FGF12: variants seen among roughly 807,000 people sequenced by gnomAD.
FGF12 encodes fibroblast growth factor 12.
Under a neutral mutation model 23.6 loss-of-function variants are expected in FGF12, and 14 were observed. The observed-to-expected ratio is 0.59, with a 90% CI of 0.39 to 0.93. The LOEUF (loss-of-function observed/expected upper bound fraction) is 0.93. FGF12 is among the 40% of genes least tolerant of loss of function. The pLI, the probability that FGF12 is intolerant of heterozygous loss-of-function variation, is 0.00. For missense variants in FGF12, 175 were observed against 217.8 expected (o/e 0.80, Z 1.24); for synonymous variants, 62 against 77.3 (o/e 0.80, Z 1.04).
At chr3:192,713,872 G>A (rs961571719) in intron 2 of FGF12, among the ~76,000 whole-genome samples, 6 of 152,172 alleles carry the variant, frequency 3.9e-5, no homozygotes, top group Non-Finnish European at 8.8e-5. Context: ...ATTCAAAAGT[G>A]AAATCTTTGT....
intron 2 of FGF12, among the ~76,000 whole-genome samples, chr3:192,551,232 G>A (rs1560147718): frequency 6.6e-6 from 1 of 152,214 alleles, no homozygotes; most frequent in Non-Finnish European, 1.5e-5. Flanking sequence ...GGGGCAGCAT[G>A]GGAGACAGAG....
chr3:192,687,444 GC>G (rs1456305918), intron 2 of FGF12, among the ~76,000 whole-genome samples: 1 of 152,134 alleles, frequency 6.6e-6, no homozygotes, highest in Non-Finnish European at 1.5e-5. Flanking sequence ...CTTTGACTCT[GC>G]CTGGTAGGTG....
intron 4 of FGF12, among the ~76,000 whole-genome samples, chr3:192,203,133 T>TTG (rs57503863): frequency 0.069 from 10,153 of 148,216 alleles, 404 homozygotes; most frequent in African/African-American, 0.12. Context: ...CATTAAATAT[T>TTG]TGTGTGTGTG....
At chr3:192,267,010 T>G (rs78112317) in intron 4 of FGF12, 2 of 152,204 alleles carry the variant, frequency 1.3e-5, no homozygotes, top group African/African-American at 4.8e-5. Flanking sequence ...AAGGAACTGA[T>G]GCCTTGAGGA....
chr3:192,289,453 G>A (rs1714638417), intron 4 of FGF12, among the ~76,000 whole-genome samples: 1 of 152,060 alleles, frequency 6.6e-6, no homozygotes, highest in African/African-American at 2.4e-5. Flanking sequence ...AAAACGAGAA[G>A]GAACACTCAC....
intron 2 of FGF12, among the ~76,000 whole-genome samples, chr3:192,663,395 A>G (rs1167363609): frequency 1.3e-5 from 2 of 152,190 alleles, no homozygotes; most frequent in African/African-American, 4.8e-5. Flanking sequence ...AGAGGGTAGC[A>G]CATAGTAGAA....
At chr3:192,203,053 A>G (rs912464576) in intron 4 of FGF12, among the ~76,000 whole-genome samples, 1 of 152,160 alleles carries the variant, frequency 6.6e-6, no homozygotes, top group African/African-American at 2.4e-5. Context: ...ACTTCAGTCT[A>G]TATATAATAT....
chr3:192,313,904 T>C (rs1480503501), intron 4 of FGF12, among the ~76,000 whole-genome samples: 2 of 152,218 alleles, frequency 1.3e-5, no homozygotes, highest in Non-Finnish European at 2.9e-5. Context: ...GATTCATATA[T>C]TGAAGCCTAA....
intron 2 of FGF12, 158 bp downstream of exon 2, chr3:192,727,023 C>T (rs536492896): frequency 3.4e-6 from 3 of 879,106 alleles, no homozygotes; most frequent in Non-Finnish European, 5.4e-6. Flanking sequence ...AAGTCGCCTT[C>T]CTGCCACACT....
rs1724869004 is a variant in FGF12 at position 192,523,385 on chromosome 3, T to C, written c.14-162847A>G. On this transcript the variant is annotated intron_variant, in intron 2 of 5. Coordinates refer to ENST00000445105, the MANE Select transcript of FGF12 (RefSeq NM_004113.6). Reference sequence around the variant, plus strand: ...ATCTGAGGTGCTACTCTTATTTTACTTTTAAACTATATATTCATTTTTAAA... The same window carrying C: ...ATCTGAGGTGCTACTCTTATTTTACCTTTAAACTATATATTCATTTTTAAA... Among the ~76,000 whole-genome samples, 3 of 152,214 alleles carry C rather than the reference T, an allele frequency of 2.0e-5. No homozygotes were observed. The South Asian group carries it at 6.2e-4, about 32-fold the overall frequency.
chr3:192,581,410 A>ATATATATATGTGTGTGTATATATATATG (rs1399693919), intron 2 of FGF12, among the ~76,000 whole-genome samples: 4 of 150,134 alleles, frequency 2.7e-5, no homozygotes, highest in African/African-American at 4.9e-5. Context: ...TCTCTAAAAT[A>ATATATATATGTGTGTGTATATATATATG]TATATATATG....
At position 192,335,455 on chromosome 3, in the gene FGF12, T is replaced by A. The variant is rs765777284; in HGVS notation, c.134A>T (p.Asn45Ile). Residue 45 changes from asparagine (N) to isoleucine (I), a missense_variant, in exon 4 of 6, where the codon AAT becomes ATT. Transcript: ENST00000445105. ...TACACGCAGGCCCACGGGAATTAGA[T>A]TGAAGAGAGCTGGGGGGAGAAAAAG... Reference protein sequence around the residue: ...KDENSDYTLFNLIPVGLRVVA... With the variant: ...KDENSDYTLFILIPVGLRVVA... The A allele has an allele frequency of 6.2e-7, 1 of 1,611,122 alleles. No homozygotes were observed. Among genetic ancestry groups the A allele is most frequent in the Admixed American group, 1.7e-5 (1 of 59,842 alleles).
chr3:192,513,663 T>C (rs1018605787), intron 2 of FGF12, among the ~76,000 whole-genome samples: 1 of 152,224 alleles, frequency 6.6e-6, no homozygotes, highest in African/African-American at 2.4e-5. Context: ...AAATCTTGTA[T>C]AATGTTGTTA....
intron 2 of FGF12, among the ~76,000 whole-genome samples, chr3:192,594,700 C>T (rs1268861216): frequency 1.3e-5 from 2 of 151,876 alleles, no homozygotes; most frequent in African/African-American, 2.4e-5. Context: ...GAGTCCTGAG[C>T]TGACATGCTC....
chr3:192,607,024 T>TAC (rs1714364010), intron 2 of FGF12, among the ~76,000 whole-genome samples: 1 of 151,678 alleles, frequency 6.6e-6, no homozygotes, highest in South Asian at 2.1e-4. Flanking sequence ...CACACGCAGG[T>TAC]ACACACACAC....
chr3:192,488,932 G>T (rs1009390274), intron 2 of FGF12, among the ~76,000 whole-genome samples: 1 of 152,032 alleles, frequency 6.6e-6, no homozygotes, highest in Non-Finnish European at 1.5e-5. Flanking sequence ...GTTAGAGATA[G>T]AAATAAAGTC....
chr3:192,676,327 A>G (rs74395572), intron 2 of FGF12, among the ~76,000 whole-genome samples: 5,244 of 152,308 alleles, frequency 0.034, 237 homozygotes, highest in East Asian at 0.2. Flanking sequence ...CTAGGAGCAT[A>G]GAGTTGAATG....
intron 2 of FGF12, among the ~76,000 whole-genome samples, chr3:192,528,745 C>T (rs1360897591): frequency 6.6e-6 from 1 of 152,212 alleles, no homozygotes; most frequent in African/African-American, 2.4e-5. Flanking sequence ...ATCTTGACTT[C>T]TGTGCACTGG....
chr3:192,254,769 C>G (rs576796202), intron 4 of FGF12, among the ~76,000 whole-genome samples: 1 of 152,058 alleles, frequency 6.6e-6, no homozygotes, highest in East Asian at 1.9e-4. Flanking sequence ...TCACTTTGCA[C>G]TATAAAAAGT....
Sources: gnomAD v4.1 joint callset for allele counts (sites outside exome capture counted in the v4.1 genomes callset) on GRCh38, gnomAD v4.1.1 for gene constraint, MANE v1.5 for transcripts, NCBI Gene and HGNC (gene_info 2026-07-23, HGNC 2026-07-21) for gene names.